Variants in TF observed in about 807,000 individuals in gnomAD.
The protein encoded by TF is serotransferrin.
In TF, 55 loss-of-function variants were observed where a neutral mutation model predicts 82.4. That is an observed-to-expected ratio of 0.67 (90% CI 0.54 to 0.84). TF has a LOEUF of 0.84. Ranked by LOEUF, TF falls within the 40% of genes least tolerant of loss-of-function variation. TF has a pLI of 0.00. For synonymous variants in TF, 332 were observed against 332.6 expected (o/e 1.00, Z 0.02); for missense variants, 737 against 868.4 (o/e 0.85, Z 1.90).
At chr3:133,756,083 G>A (rs924730565) in intron 5 of TF, among the ~76,000 whole-genome samples, 199 bp from the exon 6 acceptor site, 18 of 152,142 alleles carry the variant, frequency 1.2e-4, no homozygotes, top group African/African-American at 3.9e-4. Flanking sequence ...TTTGGGTTAT[G>A]AGGGCTTTTT....
chr3:133,672,279 G>A, the TF span, among the ~76,000 whole-genome samples: 401 of 152,072 alleles, frequency 2.6e-3, 2 homozygotes, highest in African/African-American at 9.1e-3. Context: ...GAGGCCTTCC[G>A]AACATTTAAG....
the TF span, among the ~76,000 whole-genome samples, chr3:133,692,124 C>T: frequency 6.6e-6 from 1 of 152,228 alleles, no homozygotes; most frequent in Non-Finnish European, 1.5e-5. Flanking sequence ...CCAGTGGGGT[C>T]TCACCCATGG....
At chr3:133,708,853 C>A in the TF span, among the ~76,000 whole-genome samples, 2 of 150,838 alleles carry the variant, frequency 1.3e-5, no homozygotes, top group African/African-American at 4.9e-5. Flanking sequence ...AAAGGACAGA[C>A]AGAGTACATC....
At chr3:133,771,699 T>C (rs1179693911) in intron 14 of TF, among the ~76,000 whole-genome samples, 3 of 122,246 alleles carry the variant, frequency 2.5e-5, no homozygotes, top group Middle Eastern at 6.0e-3. Context: ...ATTGCGCCAC[T>C]GCAGTCCGCA....
intron 15 of TF, 88 bp downstream of exon 15, chr3:133,775,705 T>G: frequency 7.5e-7 from 1 of 1,341,398 alleles, no homozygotes; most frequent in Non-Finnish European, 1.1e-6. Flanking sequence ...CAGCCATGAC[T>G]CCAGCACTTT....
rs751475450 is a variant in TF at position 133,775,473 on chromosome 3, A to G, written c.1728A>G (p.Lys576=). 37 of 1,614,114 alleles carry G rather than the reference A, an allele frequency of 2.3e-5. No individual in the cohort carries two copies. The highest frequency in any genetic ancestry group is 1.3e-5 in the African/African-American group (1 of 74,942). The part of the protein sequence containing the change: ...PDPWAKNLNE[K]DYELLCLDGT... ...CATGGGCTAAGAATCTGAATGAAAA[A>G]GACTATGAGTTGCTGTGCCTTGATG... The change falls in exon 15 of 17, where the codon AAA becomes AAG. Residue 576 remains lysine (K), a synonymous_variant. Transcript: ENST00000402696.
chr3:133,721,866 A>G, the TF span, among the ~76,000 whole-genome samples: 3 of 151,680 alleles, frequency 2.0e-5, no homozygotes, highest in African/African-American at 7.3e-5. Context: ...GTCTCTTTTT[A>G]TAGGTTGTTT....
At chr3:133,748,629 T>C (rs765238452) in intron 2 of TF, 45 bp downstream of exon 2, 2 of 1,608,744 alleles carry the variant, frequency 1.2e-6, no homozygotes, top group Non-Finnish European at 1.7e-6. Context: ...AGCCATACTT[T>C]CTCTGTTTCC....
At chr3:133,758,743 A>G (rs1007475430) in intron 8 of TF, among the ~76,000 whole-genome samples, 1 of 152,210 alleles carries the variant, frequency 6.6e-6, no homozygotes, top group Non-Finnish European at 1.5e-5. Context: ...TATGCTGACC[A>G]TGTGCTAGCA....
rs1934575215 is a variant in TF at position 133,783,836 on chromosome 3, C to G, written c.*5216C>G. ...GCGGCGAACCACTTTTCCTCCCCGA[C>G]CTGCCGGCTGCAGGGTCTCCCCGCC... On this transcript the variant is annotated 3_prime_UTR_variant, in exon 17 of 17. Coordinates refer to ENST00000402696, the MANE Select transcript of TF (RefSeq NM_001063.4). The G allele has an allele frequency of 6.6e-6, 1 of 152,282 alleles. No individual in the cohort carries two copies. Among genetic ancestry groups the G allele is most frequent in the African/African-American group, 2.4e-5 (1 of 41,470 alleles). The allele number at this position is 152,282 out of a possible 1,614,324, so 9.4% of individuals were successfully genotyped here.
upstream of TF, among the ~76,000 whole-genome samples, chr3:133,745,733 T>C (rs1350707227): frequency 2.0e-5 from 3 of 152,150 alleles, no homozygotes; most frequent in East Asian, 3.9e-4. Context: ...CCCCTATGAC[T>C]CTGTCCCTAG....
Position 133,788,793 on chromosome 3 carries a change from G to A in TF, c.*10173G>A, listed in dbSNP as rs1462774536. The A allele has an allele frequency of 6.6e-6, 1 of 152,168 alleles. No individual in the cohort carries two copies. Among genetic ancestry groups the A allele is most frequent in the East Asian group, 1.9e-4 (1 of 5,198 alleles). The allele number at this position is 152,168 out of a possible 1,614,324, so 9.4% of individuals were successfully genotyped here. A position where few individuals can be genotyped will look rare whatever the true frequency, so the allele number is the denominator to read the frequency against. ...GATTCCTATGTGTGGCGCAGCTCAG[G>A]GCAAACTTGCAGCTCAGGGTGAACT... On this transcript the variant is annotated 3_prime_UTR_variant, in exon 17 of 17. Coordinates refer to ENST00000402696, the MANE Select transcript of TF (RefSeq NM_001063.4).
the TF span, among the ~76,000 whole-genome samples, chr3:133,686,186 A>C: frequency 6.6e-6 from 1 of 152,136 alleles, no homozygotes; most frequent in African/African-American, 2.4e-5. Context: ...ACACCTTATA[A>C]AAACATTAAT....
In TF at chr3:133,746,499, G is replaced by T; in HGVS notation, c.43+16G>T. On this transcript the variant is annotated intron_variant, in intron 1 of 16. Transcript: ENST00000402696. ...GCCGTCCTGGGTGAGTGCGGGCACG[G>T]GGTAGCACCGCAGAGTCGCTGGCCC... The T allele has an allele frequency of 1.3e-6, 2 of 1,592,792 alleles. No homozygotes were observed. Among genetic ancestry groups the T allele is most frequent in the Admixed American group, 1.7e-5 (1 of 58,904 alleles).
the TF span, among the ~76,000 whole-genome samples, chr3:133,691,343 A>G: frequency 1.5e-4 from 23 of 152,300 alleles, no homozygotes; most frequent in Non-Finnish European, 2.8e-4. Flanking sequence ...TACCCAAGAA[A>G]TGTTTATTGA....
chr3:133,696,774 CA>C, the TF span, among the ~76,000 whole-genome samples: 1 of 146,818 alleles, frequency 6.8e-6, no homozygotes, highest in East Asian at 2.0e-4. Flanking sequence ...TTGCCATGGA[CA>C]AAAGTGTACT....
the TF span, among the ~76,000 whole-genome samples, chr3:133,730,441 C>T: frequency 6.6e-6 from 1 of 152,224 alleles, no homozygotes; most frequent in African/African-American, 2.4e-5. Flanking sequence ...AGCCCAGAGA[C>T]TGCTGGCTAT....
the TF span, among the ~76,000 whole-genome samples, chr3:133,726,095 T>C: frequency 2.0e-5 from 3 of 152,166 alleles, no homozygotes; most frequent in African/African-American, 7.2e-5. Flanking sequence ...CAATGTTCAT[T>C]AAGGATATTG....
At chr3:133,759,382 G>A (rs1452909900) in intron 9 of TF, 53 bp downstream of exon 9, 103 of 1,605,796 alleles carry the variant, frequency 6.4e-5, no homozygotes, top group Non-Finnish European at 8.3e-5. Context: ...CTGCCTGCTG[G>A]CCCCCAAGAC....
Sources: allele counts gnomAD v4.1 joint callset (sites outside exome capture counted in the v4.1 genomes callset), GRCh38; gene constraint gnomAD v4.1.1; transcripts MANE v1.5; gene names NCBI Gene and HGNC (gene_info 2026-07-23, HGNC 2026-07-21).